Variants in CCDC88C observed in about 807,000 individuals in gnomAD.
CCDC88C encodes coiled-coil and HOOK domain protein 88C.
A neutral mutation model predicts 198.8 loss-of-function variants in CCDC88C; 131 were observed. The observed-to-expected ratio is 0.66, with a 90% CI of 0.57 to 0.76. CCDC88C has a LOEUF of 0.76. Among genes scored for constraint, CCDC88C ranks in the 30% least tolerant of loss-of-function variants. The probability of loss-of-function intolerance (pLI) is 0.00; values close to 1 mark genes in which losing one functional copy is unlikely to be tolerated. For missense variants in CCDC88C, 2,553 were observed against 2,631.6 expected (o/e 0.97, Z 0.65); for synonymous variants, 1,166 against 1,114.7 (o/e 1.05, Z -0.92).
At chr14:91,299,015 G>T (rs1027399157) in intron 21 of CCDC88C, among the ~76,000 whole-genome samples, 8 of 152,204 alleles carry the variant, frequency 5.3e-5, no homozygotes, top group Non-Finnish European at 1.0e-4. Flanking sequence ...CATTATGTGT[G>T]GTAGTCACAT....
intron 2 of CCDC88C, among the ~76,000 whole-genome samples, chr14:91,410,366 T>TA (rs1247500364): frequency 6.6e-6 from 1 of 152,150 alleles, no homozygotes; most frequent in East Asian, 1.9e-4. Flanking sequence ...TCTTGGGGGT[T>TA]AGTGTGGGGA....
chr14:91,415,721 C>CAA (rs199871521), intron 2 of CCDC88C, among the ~76,000 whole-genome samples: 6 of 112,010 alleles, frequency 5.4e-5, no homozygotes, highest in African/African-American at 1.9e-4. Flanking sequence ...ACTCCGTCTC[C>CAA]AAAAAAAAAA....
intron 28 of CCDC88C, among the ~76,000 whole-genome samples, chr14:91,278,756 C>T (rs1375235997): frequency 6.6e-6 from 1 of 152,158 alleles, no homozygotes; most frequent in Non-Finnish European, 1.5e-5. Flanking sequence ...GAACCCCAAC[C>T]CATTCTAACT....
intron 2 of CCDC88C, among the ~76,000 whole-genome samples, chr14:91,413,340 T>C (rs1297850540): frequency 6.6e-6 from 1 of 152,186 alleles, no homozygotes; most frequent in Non-Finnish European, 1.5e-5. Flanking sequence ...CATCCCCTTA[T>C]TACAGATCAG....
At chr14:91,394,583 C>T (rs1242878610) in intron 3 of CCDC88C, among the ~76,000 whole-genome samples, 5 of 152,218 alleles carry the variant, frequency 3.3e-5, no homozygotes, top group African/African-American at 7.2e-5. Context: ...TGGTGGCCTC[C>T]GTTGTTATGT....
At chr14:91,363,430 C>G in intron 3 of CCDC88C, among the ~76,000 whole-genome samples, 1 of 151,746 alleles carries the variant, frequency 6.6e-6, no homozygotes, top group East Asian at 1.9e-4. Flanking sequence ...TTTTTCCATA[C>G]ACTTTGAAAT....
intron 3 of CCDC88C, among the ~76,000 whole-genome samples, chr14:91,394,500 C>T (rs1021027638): frequency 1.3e-5 from 2 of 152,202 alleles, no homozygotes; most frequent in Admixed American, 1.3e-4. Flanking sequence ...ACAGGATTCC[C>T]GGCCCAGGCC....
chr14:91,390,078 A>C (rs1885410943), intron 3 of CCDC88C, among the ~76,000 whole-genome samples: 1 of 152,062 alleles, frequency 6.6e-6, no homozygotes, highest in Non-Finnish European at 1.5e-5. Flanking sequence ...TTTCAAAAAA[A>C]AAGAAAAAGA....
rs572835438 is a variant in CCDC88C, at chr14:91,300,546, C to T, written c.3636-476G>A. On this transcript the variant is annotated intron_variant, in intron 20 of 29. Transcript: ENST00000389857. ...GGCTGGAGAAGCCTCTCCCTCTCCC[C>T]TTAGGAGCCTGCATCCACTTGTTCT... Among the ~76,000 whole-genome samples, 37 of 152,354 alleles carry T rather than the reference C, an allele frequency of 2.4e-4. No homozygotes were observed. In the Middle Eastern group the frequency reaches 0.01, roughly 42 times the overall value.
intron 1 of CCDC88C, 75 bp from the exon 2 acceptor site, chr14:91,416,913 C>A (rs1044626336): frequency 2.8e-6 from 3 of 1,055,054 alleles, no homozygotes; most frequent in Middle Eastern, 2.0e-4. Context: ...CTCTCCCAGG[C>A]AGAGACTGGA....
At chr14:91,309,748 A>G in intron 16 of CCDC88C, 111 bp downstream of exon 16, 7 of 1,151,698 alleles carry the variant, frequency 6.1e-6, no homozygotes, top group Non-Finnish European at 8.2e-6. Context: ...GTGAGGTCAC[A>G]GCCCTCGGCA....
At chr14:91,354,695 T>C (rs1477068839) in intron 4 of CCDC88C, among the ~76,000 whole-genome samples, 1 of 151,964 alleles carries the variant, frequency 6.6e-6, no homozygotes, top group Non-Finnish European at 1.5e-5. Flanking sequence ...GAGAGAAAGG[T>C]GGGCCCCCTG....
chr14:91,272,847 A>G lies in CCDC88C; in HGVS notation c.5865T>C (p.Pro1955=). The G allele has an allele frequency of 6.3e-7, 1 of 1,593,802 alleles. No individual in the cohort carries two copies. The highest frequency in any genetic ancestry group is 8.5e-7 in the Non-Finnish European group (1 of 1,171,420). ...CTGAGAGGCTGAGCCCTGCCCGGAC[A>G]GGGGTGATGGTGGCCACCTCCCCTG... ...PRSGEVATIT[P]VRAGLSLSEG... Residue 1955 remains proline (P), a synonymous_variant, in exon 30 of 30, where the codon CCT becomes CCC. Coordinates refer to ENST00000389857, the MANE Select transcript of CCDC88C (RefSeq NM_001080414.4).
intron 20 of CCDC88C, among the ~76,000 whole-genome samples, chr14:91,300,405 T>C (rs924937618): frequency 1.3e-5 from 2 of 152,220 alleles, no homozygotes; most frequent in African/African-American, 4.8e-5. Context: ...CCCTTCTCTT[T>C]TAGGGAATTA....
rs141448716 is a variant in CCDC88C, at chr14:91,295,306, C to A, written c.3967-988G>T. On this transcript the variant is annotated intron_variant, in intron 22 of 29. Coordinates refer to ENST00000389857, the MANE Select transcript of CCDC88C (RefSeq NM_001080414.4). ...CTATGGCATTTTTTCACTAAAAATACTTCTGTGATTGCCACTGCTATATTG... is the reference window on the plus strand; with the variant it reads ...CTATGGCATTTTTTCACTAAAAATAATTCTGTGATTGCCACTGCTATATTG... Among the ~76,000 whole-genome samples, 1,063 of 152,306 alleles carry A rather than the reference C, an allele frequency of 7.0e-3. 9 individuals carry two copies. Among genetic ancestry groups the A allele is most frequent in the Non-Finnish European group, 9.1e-3 (622 of 68,020 alleles).
Position 91,293,500 on chromosome 14 carries a change from C to CCGCCACAGCTCACTTTCCCATCCTCACG in CCDC88C, c.4112+672_4112+673insCGTGAGGATGGGAAAGTGAGCTGTGGCG, listed in dbSNP as rs1567055535. Among the ~76,000 whole-genome samples, 52 of 120,796 alleles carry CCGCCACAGCTCACTTTCCCATCCTCACG rather than the reference C, an allele frequency of 4.3e-4. 21 individuals carry two copies. Among genetic ancestry groups the CCGCCACAGCTCACTTTCCCATCCTCACG allele is most frequent in the African/African-American group, 5.0e-4 (16 of 32,152 alleles). 79.2% of individuals were successfully genotyped at this position (120,796 alleles called of 152,430 possible). A position where few individuals can be genotyped will look rare whatever the true frequency, so the allele number is the denominator to read the frequency against. On this transcript the variant is annotated intron_variant, in intron 23 of 29. Coordinates refer to ENST00000389857, the MANE Select transcript of CCDC88C (RefSeq NM_001080414.4). The stretch of plus-strand genomic sequence containing the variant: ...CCACAGCTCACCTTCCCATCCTCAC[C>CCGCCACAGCTCACTTTCCCATCCTCACG]TGCCACGGCCTACCTTCCTGTCCCC...
At chr14:91,412,435 T>C (rs796441029) in intron 2 of CCDC88C, among the ~76,000 whole-genome samples, 23 of 62,260 alleles carry the variant, frequency 3.7e-4, no homozygotes, top group African/African-American at 1.7e-3. Context: ...TTTGTGTATT[T>C]TTTTCTTTTT....
intron 4 of CCDC88C, among the ~76,000 whole-genome samples, chr14:91,355,943 CA>C (rs1186714778): frequency 6.6e-6 from 1 of 151,970 alleles, no homozygotes; most frequent in Non-Finnish European, 1.5e-5. Flanking sequence ...AAAGTTACCC[CA>C]AACTATAAAA....
chr14:91,321,821 T>C (rs1358660225), intron 12 of CCDC88C, among the ~76,000 whole-genome samples: 1 of 152,198 alleles, frequency 6.6e-6, no homozygotes, highest in Non-Finnish European at 1.5e-5. Flanking sequence ...CAGAGATTTC[T>C]TTCTGTGACT....
Sources: gnomAD v4.1 joint callset for allele counts (sites outside exome capture counted in the v4.1 genomes callset) on GRCh38, gnomAD v4.1.1 for gene constraint, MANE v1.5 for transcripts, NCBI Gene and HGNC (gene_info 2026-07-23, HGNC 2026-07-21) for gene names.